The following CUEDC1 variants were observed in gnomAD, a reference collection of about 807,000 sequenced individuals.
The protein encoded by CUEDC1 is CUE domain-containing protein 1.
Under a neutral mutation model 43.7 loss-of-function variants are expected in CUEDC1, and 30 were observed. That is an observed-to-expected ratio of 0.69 (90% CI 0.51 to 0.93). The LOEUF (loss-of-function observed/expected upper bound fraction) is 0.93, where lower values mean the gene tolerates loss of function less well. CUEDC1 is among the 40% of genes least tolerant of loss of function. The pLI is 0.00. For missense variants in CUEDC1, 486 were observed against 549.0 expected, an observed-to-expected ratio of 0.89 and a Z score of 1.15; for synonymous variants, 223 against 223.6, an observed-to-expected ratio of 1.00 and a Z score of 0.02.
chr17:57,884,492 G>A (rs2074260563), intron 2 of CUEDC1, among the ~76,000 whole-genome samples: 1 of 152,038 alleles, frequency 6.6e-6, no homozygotes. Flanking sequence ...CACCTCGCCC[G>A]GCCCCAGCCG....
intron 9 of CUEDC1, chr17:57,866,810 T>C: frequency 2.1e-6 from 1 of 484,794 alleles, no homozygotes. Flanking sequence ...ATCTATAAAA[T>C]GGGATGGAAA....
intron 6 of CUEDC1, 121 bp from the exon 7 acceptor site, chr17:57,869,314 G>A (rs946841837): frequency 2.4e-5 from 19 of 806,342 alleles, no homozygotes; most frequent in Non-Finnish European, 3.9e-5. Context: ...TGGCCAGAAG[G>A]GAGTTTAAAG....
At chr17:57,887,994 A>G (rs59516185) in intron 1 of CUEDC1, among the ~76,000 whole-genome samples, 24,229 of 141,024 alleles carry the variant, frequency 0.17, 2,334 homozygotes, top group African/African-American at 0.28. Context: ...TCCACCTTCC[A>G]GGTTCAAGCA....
chr17:57,875,064 A>C (rs1469682605), intron 3 of CUEDC1, among the ~76,000 whole-genome samples: 1 of 152,020 alleles, frequency 6.6e-6, no homozygotes, highest in Non-Finnish European at 1.5e-5. Flanking sequence ...TCCTAGGCCA[A>C]ATTTTTTTCT....
rs377379617 is a variant in CUEDC1, at chr17:57,871,350, G to A, written c.804C>T (p.Ser268=). The A allele has an allele frequency of 1.2e-6, 2 of 1,613,948 alleles. No homozygotes were observed. The highest frequency in any genetic ancestry group is 2.2e-5 in the East Asian group (1 of 44,894). The stretch of plus-strand genomic sequence containing the variant: ...CCACGCTGCTGGATTTAGATTTCTG[G>A]GATTCGTATTTCAATCGATCTGGAA... ...ALERDRLKYE[S]QKSKSSSVAV... The change falls in exon 6 of 11, where the codon TCC becomes TCT. Residue 268 remains serine (S), a synonymous_variant. Transcript: ENST00000577830.
At chr17:57,933,205 G>A (rs540244211) in intron 1 of CUEDC1, among the ~76,000 whole-genome samples, 12 of 83,278 alleles carry the variant, frequency 1.4e-4, no homozygotes, top group Non-Finnish European at 2.3e-4. Flanking sequence ...GGGCAGCAAG[G>A]GGGGAGAACC....
At chr17:57,950,788 C>G (rs2074999582) in intron 1 of CUEDC1, among the ~76,000 whole-genome samples, 1 of 152,210 alleles carries the variant, frequency 6.6e-6, no homozygotes, top group Non-Finnish European at 1.5e-5. Context: ...GCACTCTTGA[C>G]TGCCTATTGG....
intron 4 of CUEDC1, among the ~76,000 whole-genome samples, chr17:57,873,178 C>T (rs2144929660): frequency 6.6e-6 from 1 of 152,312 alleles, no homozygotes; most frequent in South Asian, 2.1e-4. Context: ...CAAACTCAAC[C>T]CTCTCCCTGC....
intron 1 of CUEDC1, among the ~76,000 whole-genome samples, chr17:57,891,697 C>T (rs2074356679): frequency 6.6e-6 from 1 of 152,236 alleles, no homozygotes; most frequent in African/African-American, 2.4e-5. Flanking sequence ...CAAGCACACT[C>T]CCACCCAGGG....
intron 1 of CUEDC1, among the ~76,000 whole-genome samples, chr17:57,887,974 C>G (rs2074315301): frequency 7.0e-6 from 1 of 142,424 alleles, no homozygotes; most frequent in Non-Finnish European, 1.5e-5. Context: ...GATCTTGGCT[C>G]ACCGCAACCT....
At chr17:57,932,987 G>A (rs1444191095) in intron 1 of CUEDC1, among the ~76,000 whole-genome samples, 3 of 152,262 alleles carry the variant, frequency 2.0e-5, no homozygotes, top group South Asian at 4.2e-4. Flanking sequence ...AGCATCCCTG[G>A]CCTCTACCCA....
At chr17:57,899,485 G>T (rs980421342) in intron 1 of CUEDC1, among the ~76,000 whole-genome samples, 2 of 152,214 alleles carry the variant, frequency 1.3e-5, no homozygotes, top group African/African-American at 4.8e-5. Flanking sequence ...GTTGCCAGAG[G>T]TCAGAGAGCC....
At position 57,872,438 on chromosome 17, in the gene CUEDC1, C is replaced by T. The variant is rs541140503; in HGVS notation, c.784+225G>A. ...AGAAGGCCTAAGAGTGCACATCCTTCTTCCTCTGAGTCCCGAGGGAGAAAG... is the reference window on the plus strand; with the variant it reads ...AGAAGGCCTAAGAGTGCACATCCTTTTTCCTCTGAGTCCCGAGGGAGAAAG... On this transcript the variant is annotated intron_variant, in intron 5 of 10. Coordinates refer to ENST00000577830, the MANE Select transcript of CUEDC1 (RefSeq NM_001271875.2). Among the ~76,000 whole-genome samples the T allele has an allele frequency of 5.9e-5, 9 of 152,202 alleles. No individual in the cohort carries two copies. In the East Asian group the frequency reaches 1.5e-3, roughly 26 times the overall value.
intron 1 of CUEDC1, among the ~76,000 whole-genome samples, chr17:57,889,827 C>T (rs1345553789): frequency 6.6e-6 from 1 of 152,130 alleles, no homozygotes; most frequent in Non-Finnish European, 1.5e-5. Flanking sequence ...CTATAGAGGC[C>T]CCCAATTCTC....
intron 1 of CUEDC1, among the ~76,000 whole-genome samples, chr17:57,949,895 G>T (rs2074990444): frequency 6.6e-6 from 1 of 152,130 alleles, no homozygotes; most frequent in East Asian, 1.9e-4. Flanking sequence ...TGGGCCTGCA[G>T]CCAGACTTCC....
chr17:57,937,440 A>T (rs555622502), intron 1 of CUEDC1, among the ~76,000 whole-genome samples: 1 of 151,636 alleles, frequency 6.6e-6, no homozygotes, highest in South Asian at 2.1e-4. Context: ...GTGAAATCTC[A>T]TCTCTACAAA....
intron 1 of CUEDC1, among the ~76,000 whole-genome samples, chr17:57,889,532 C>G (rs1198417085): frequency 1.3e-5 from 2 of 152,260 alleles, no homozygotes; most frequent in Non-Finnish European, 2.9e-5. Flanking sequence ...ATGTAAAGGA[C>G]TGACAACTCC....
chr17:57,865,306 G>C (rs548732957), intron 10 of CUEDC1, among the ~76,000 whole-genome samples: 2 of 152,330 alleles, frequency 1.3e-5, no homozygotes, highest in Admixed American at 6.5e-5. Context: ...TGCAGTGCCT[G>C]GTGGGAGATG....
intron 1 of CUEDC1, among the ~76,000 whole-genome samples, chr17:57,933,864 A>C (rs760539147): frequency 1.3e-5 from 2 of 152,038 alleles, no homozygotes; most frequent in Non-Finnish European, 2.9e-5. Flanking sequence ...CACCTCCTTC[A>C]AGACTCCCCA....
Sources: allele counts gnomAD v4.1 joint callset (sites outside exome capture counted in the v4.1 genomes callset), GRCh38; gene constraint gnomAD v4.1.1; transcripts MANE v1.5; gene names NCBI Gene and HGNC (gene_info 2026-07-23, HGNC 2026-07-21).